The following PEAK1 variants were observed in gnomAD, a reference collection of about 807,000 sequenced individuals.
The protein encoded by PEAK1 is pseudopodium enriched atypical kinase 1.
Under a neutral mutation model 124.7 loss-of-function variants are expected in PEAK1, and 54 were observed. The ratio of observed to expected loss-of-function variants is 0.43; its 90% CI spans 0.35 to 0.54. The LOEUF (loss-of-function observed/expected upper bound fraction) is 0.54. Ranked by LOEUF, PEAK1 falls within the 20% of genes least tolerant of loss-of-function variation. The pLI, the probability that PEAK1 is intolerant of heterozygous loss-of-function variation, is 0.01. For synonymous variants in PEAK1, 719 were observed against 760.0 expected, an observed-to-expected ratio of 0.95 and a Z score of 0.89; for missense variants, 2,046 against 2,134.5, an observed-to-expected ratio of 0.96 and a Z score of 0.82.
chr15:77,269,511 T>G lies in PEAK1; in HGVS notation c.-275+14372A>C, dbSNP rs568797502. On this transcript the variant is annotated intron_variant, in intron 5 of 9. Coordinates refer to ENST00000682557, the MANE Select transcript of PEAK1 (RefSeq NM_001385026.1). ...TGCACCTAACACTGGAGCTCCCAATTTATAAAACAATTACTACTAGACCTA... is the reference window on the plus strand; with the variant it reads ...TGCACCTAACACTGGAGCTCCCAATGTATAAAACAATTACTACTAGACCTA... Among the ~76,000 whole-genome samples, 10 of 152,124 alleles carry G rather than the reference T, an allele frequency of 6.6e-5. No homozygotes were observed. In the South Asian group the frequency reaches 1.5e-3, roughly 22 times the overall value.
At chr15:77,153,480 T>C (rs2054842967) in intron 8 of PEAK1, among the ~76,000 whole-genome samples, 1 of 152,194 alleles carries the variant, frequency 6.6e-6, no homozygotes, top group South Asian at 2.1e-4. Flanking sequence ...GTGTCTCTAT[T>C]TCCTTCACTT....
At chr15:77,354,917 T>C (rs2067418631) in intron 2 of PEAK1, among the ~76,000 whole-genome samples, 2 of 151,910 alleles carry the variant, frequency 1.3e-5, no homozygotes, top group African/African-American at 4.8e-5. Flanking sequence ...TGGGCACCTG[T>C]AGTCCCAGCT....
intron 6 of PEAK1, among the ~76,000 whole-genome samples, chr15:77,188,058 A>C (rs1280825816): frequency 6.6e-6 from 1 of 152,204 alleles, no homozygotes; most frequent in Admixed American, 6.5e-5. Context: ...TGCAGGAAGA[A>C]GTTTTGCAGA....
intron 6 of PEAK1, among the ~76,000 whole-genome samples, chr15:77,187,476 A>T (rs2057604759): frequency 6.6e-6 from 1 of 152,246 alleles, no homozygotes; most frequent in African/African-American, 2.4e-5. Context: ...ATGGATTTCA[A>T]TCTTGAAATA....
chr15:77,251,723 G>GA (rs1038287193), intron 6 of PEAK1, among the ~76,000 whole-genome samples: 1 of 152,136 alleles, frequency 6.6e-6, no homozygotes, highest in African/African-American at 2.4e-5. Context: ...TGTCAGGGGG[G>GA]ACAGCAGCCT....
intron 2 of PEAK1, among the ~76,000 whole-genome samples, chr15:77,360,957 G>A (rs2067849533): frequency 6.6e-6 from 1 of 152,024 alleles, no homozygotes; most frequent in Admixed American, 6.6e-5. Flanking sequence ...CCAGGACACT[G>A]GTCTGGGAAA....
At chr15:77,215,146 A>G (rs1242795215) in intron 6 of PEAK1, among the ~76,000 whole-genome samples, 1 of 152,202 alleles carries the variant, frequency 6.6e-6, no homozygotes, top group Non-Finnish European at 1.5e-5. Context: ...CACATTTGTC[A>G]GATAAGTGAT....
rs145961264 is a variant in PEAK1, at chr15:77,215,470, T to C, written c.-114-33430A>G. ...TATATGAAATGGTACAGTAATTGCA[T>C]ATAACCTATGCACACTCTCGTATAC... is the stretch of plus-strand genomic sequence containing the variant. On this transcript the variant is annotated intron_variant, in intron 6 of 9. Transcript: ENST00000682557. Among the ~76,000 whole-genome samples the C allele has an allele frequency of 7.5e-3, 1,138 of 152,330 alleles. 41 individuals are homozygous for C. The highest frequency in any genetic ancestry group is 0.058 in the Admixed American group (894 of 15,290).
intron 2 of PEAK1, among the ~76,000 whole-genome samples, chr15:77,316,101 C>T (rs1321978429): frequency 6.6e-6 from 1 of 152,064 alleles, no homozygotes; most frequent in Non-Finnish European, 1.5e-5. Context: ...TCTTAAAAAG[C>T]CTGTTTAAAA....
At position 77,158,529 on chromosome 15, in the gene PEAK1, G is replaced by C. The variant is rs774346965; in HGVS notation, c.3305C>G (p.Pro1102Arg). ...TAAGTTGCTGTATGTTGCACTACAA[G>C]GGTTCGGGTCCATAGGATCTGAAAT... The part of the protein sequence containing the change: ...EDISDPMDPN[P>R]CSATYSNLGQ... The change falls in exon 8 of 10, where the codon CCT (proline) becomes CGT (arginine). Residue 1102 changes from proline (P) to arginine (R), a missense_variant. Coordinates refer to ENST00000682557, the MANE Select transcript of PEAK1 (RefSeq NM_001385026.1). The C allele has an allele frequency of 1.9e-6, 3 of 1,614,134 alleles. No homozygotes were observed. Among genetic ancestry groups the C allele is most frequent in the African/African-American group, 1.3e-5 (1 of 75,052 alleles).
At chr15:77,345,855 A>G in intron 2 of PEAK1, 1 of 943,910 alleles carries the variant, frequency 1.1e-6, no homozygotes, top group Non-Finnish European at 1.3e-6. Flanking sequence ...ATGTATCCCC[A>G]AAATATGTAC....
In PEAK1 at chr15:77,180,959, T is replaced by C; in HGVS notation, c.968A>G (p.Asn323Ser). 1 of 1,614,138 alleles carries C rather than the reference T, an allele frequency of 6.2e-7. No homozygotes were observed. The highest frequency in any genetic ancestry group is 8.5e-7 in the Non-Finnish European group (1 of 1,180,010). ...YDEILNGYEE[N>S]SVVSYGQGSI... ...TCCTTGTCCATAAGAGACCACAGAA[T>C]TTTCCTCATAACCATTCAGGATTTC... Residue 323 changes from asparagine to serine, a missense_variant, in exon 7 of 10, where the codon AAT (asparagine) becomes AGT (serine). Transcript: ENST00000682557.
At chr15:77,416,204 A>C (rs937599512) in intron 1 of PEAK1, among the ~76,000 whole-genome samples, 2 of 152,162 alleles carry the variant, frequency 1.3e-5, no homozygotes, top group African/African-American at 4.8e-5. Flanking sequence ...TTCCATGACA[A>C]ATCTCTATTT....
chr15:77,298,197 ATTTTTTTTTTTTTTTTTTTTTTTTT>A (rs749000554), intron 2 of PEAK1, among the ~76,000 whole-genome samples: 2 of 37,804 alleles, frequency 5.3e-5, no homozygotes, highest in Non-Finnish European at 8.4e-5. Flanking sequence ...GGTATCCTTA[ATTTTTTTTTTTTTTTTTTTTTTTTT>A]TTTTTTTTTT....
intron 2 of PEAK1, among the ~76,000 whole-genome samples, chr15:77,343,911 A>T (rs2066706182): frequency 6.6e-6 from 1 of 152,088 alleles, no homozygotes; most frequent in Non-Finnish European, 1.5e-5. Context: ...GTCTTTGATC[A>T]ATGTTGGGTT....
At chr15:77,192,931 C>A (rs564133602) in intron 6 of PEAK1, among the ~76,000 whole-genome samples, 2 of 152,250 alleles carry the variant, frequency 1.3e-5, no homozygotes, top group East Asian at 3.9e-4. Flanking sequence ...ACTACATACT[C>A]TTCTGTGTCT....
intron 6 of PEAK1, among the ~76,000 whole-genome samples, chr15:77,251,450 G>A (rs1050393241): frequency 6.6e-6 from 1 of 151,920 alleles, no homozygotes; most frequent in Non-Finnish European, 1.5e-5. Flanking sequence ...AAGAAAGAAA[G>A]GCAAAAGAGT....
At chr15:77,351,794 A>G (rs2067226263) in intron 2 of PEAK1, 1 of 985,332 alleles carries the variant, frequency 1.0e-6, no homozygotes, top group South Asian at 4.7e-5. Flanking sequence ...GAAAATGTGG[A>G]GCACTGAAAA....
At chr15:77,262,267 T>C (rs899718786) in intron 5 of PEAK1, among the ~76,000 whole-genome samples, 1 of 151,992 alleles carries the variant, frequency 6.6e-6, no homozygotes, top group African/African-American at 2.4e-5. Context: ...CAATATTAAC[T>C]TTAAATGTAA....
Sources: gnomAD v4.1 joint callset for allele counts (sites outside exome capture counted in the v4.1 genomes callset) on GRCh38, gnomAD v4.1.1 for gene constraint, MANE v1.5 for transcripts, NCBI Gene and HGNC (gene_info 2026-07-23, HGNC 2026-07-21) for gene names.